The following COL4A1 variants were observed in gnomAD, a reference collection of about 807,000 sequenced individuals.
COL4A1 encodes the protein collagen alpha-1(IV) chain.
A neutral mutation model predicts 216.6 loss-of-function variants in COL4A1; 40 were observed. The ratio of observed to expected loss-of-function variants is 0.18; its 90% CI spans 0.14 to 0.24. The LOEUF is 0.24. Among genes scored for constraint, COL4A1 ranks in the 10% least tolerant of loss-of-function variants. COL4A1 has a pLI of 1.00. For missense variants in COL4A1, 1,628 were observed against 2,196.8 expected (o/e 0.74, Z 5.18); for synonymous variants, 839 against 810.7 (o/e 1.03, Z -0.59).
In COL4A1 at chr13:110,211,038, G is replaced by C. The variant is rs1291638712; in HGVS notation, c.468+609C>G. 6.6e-6 allele frequency among the ~76,000 whole-genome samples: 1 copy of C among 152,110 alleles called. No homozygotes were observed. Among genetic ancestry groups the C allele is most frequent in the South Asian group, 2.1e-4 (1 of 4,818 alleles). On this transcript the variant is annotated intron_variant, in intron 8 of 51. Coordinates refer to ENST00000375820, the MANE Select transcript of COL4A1 (RefSeq NM_001845.6). The surrounding 1 kb of genome is among the most constrained non-coding windows in gnomAD (Gnocchi z 4.3). Reference sequence around the variant, plus strand: ...TGTCTCTGGAGCATGCTAACACACAGGGCTATTATGAGGATCTATTTCCTA... The same window carrying C: ...TGTCTCTGGAGCATGCTAACACACACGGCTATTATGAGGATCTATTTCCTA...
At chr13:110,209,284 T>C in intron 11 of COL4A1, 108 bp downstream of exon 11, 1 of 995,000 alleles carries the variant, frequency 1.0e-6, no homozygotes, top group Non-Finnish European at 1.5e-6. Flanking sequence ...ATAGTGTTAA[T>C]TTTCCAACTT....
chr13:110,269,057 A>G (rs1180068071), intron 1 of COL4A1, among the ~76,000 whole-genome samples: 1 of 152,216 alleles, frequency 6.6e-6, no homozygotes, highest in African/African-American at 2.4e-5. Context: ...AGCCACTTGG[A>G]AAAGTGCCAG....
Position 110,203,721 on chromosome 13 carries a change from C to T in COL4A1, c.958-114G>A, listed in dbSNP as rs187821166. 13 of 1,118,980 alleles carry T rather than the reference C, an allele frequency of 1.2e-5. No individual in the cohort carries two copies. In the East Asian group the frequency reaches 2.8e-4, roughly 24 times the overall value. The allele number at this position is 1,118,980 out of a possible 1,614,324, so 69.3% of individuals were successfully genotyped here. A position where few individuals can be genotyped will look rare whatever the true frequency, so the allele number is the denominator to read the frequency against. ...AGAGTGTGCCTACAGTAAATTAAAA[C>T]TATTTTTCTCTCTTTAATATCTCTC... On this transcript the variant is annotated intron_variant, in intron 17 of 51. Coordinates refer to ENST00000375820, the MANE Select transcript of COL4A1 (RefSeq NM_001845.6).
intron 1 of COL4A1, among the ~76,000 whole-genome samples, chr13:110,286,231 T>A (rs1241339489): frequency 6.6e-6 from 1 of 152,218 alleles, no homozygotes; most frequent in East Asian, 1.9e-4. Context: ...CCAGTGGGAC[T>A]CAGCCACTTG....
chr13:110,240,262 G>A (rs774413662), intron 2 of COL4A1, among the ~76,000 whole-genome samples: 4 of 152,178 alleles, frequency 2.6e-5, no homozygotes, highest in Non-Finnish European at 4.4e-5. Flanking sequence ...TGGAGAAACA[G>A]GAGTGTAGAG....
At chr13:110,270,347 A>G (rs6492252) in intron 1 of COL4A1, among the ~76,000 whole-genome samples, 82,038 of 152,088 alleles carry the variant, frequency 0.54, 22,870 homozygotes, top group Admixed American at 0.66. Context: ...CTAAATCTAC[A>G]TCTAATTAAG....
rs778511113 is a variant in COL4A1 at position 110,152,510 on chromosome 13, C to CAGAACAGATGCGAGCCGT, written c.4756-22_4756-5dup. ...CTTCTGCACCAGCGCTGGTGTGCTG[C>CAGAACAGATGCGAGCCGT]AGAACAGATGCGAGCCGTGAGTCAG... On this transcript the variant is annotated splice_region_variant and splice_polypyrimidine_tract_variant and intron_variant, in intron 50 of 51. Coordinates refer to ENST00000375820, the MANE Select transcript of COL4A1 (RefSeq NM_001845.6). 202 of 1,609,520 alleles carry CAGAACAGATGCGAGCCGT rather than the reference C, an allele frequency of 1.3e-4. No homozygotes were observed. Among genetic ancestry groups the CAGAACAGATGCGAGCCGT allele is most frequent in the Non-Finnish European group, 1.5e-4 (176 of 1,179,420 alleles).
intron 2 of COL4A1, among the ~76,000 whole-genome samples, chr13:110,216,094 C>T (rs1326363625): frequency 6.6e-6 from 1 of 152,198 alleles, no homozygotes; most frequent in East Asian, 1.9e-4. Flanking sequence ...TGGCACTGCC[C>T]CTTCAGGCCA....
At chr13:110,299,237 G>A (rs945854084) in intron 1 of COL4A1, among the ~76,000 whole-genome samples, 6 of 152,182 alleles carry the variant, frequency 3.9e-5, no homozygotes, top group African/African-American at 1.4e-4. Flanking sequence ...GAAAGAAGTC[G>A]GGCTGTCAGT....
chr13:110,214,919 C>T (rs1422527503), intron 2 of COL4A1, among the ~76,000 whole-genome samples: 1 of 152,252 alleles, frequency 6.6e-6, no homozygotes, highest in Non-Finnish European at 1.5e-5. Flanking sequence ...TTTTGCTCTA[C>T]TGTGTTTTAA....
chr13:110,257,005 C>T (rs968957914), intron 1 of COL4A1, among the ~76,000 whole-genome samples: 3 of 152,098 alleles, frequency 2.0e-5, no homozygotes, highest in African/African-American at 7.2e-5. Flanking sequence ...CAGAATGAAA[C>T]TAAAGTGTAG....
In COL4A1 at chr13:110,307,148, GC is replaced by G; in HGVS notation, c.-122del. The G allele has an allele frequency of 2.6e-6, 2 of 767,364 alleles. No individual in the cohort carries two copies. Among genetic ancestry groups the G allele is most frequent in the Non-Finnish European group, 3.7e-6 (2 of 535,260 alleles). The allele number at this position is 767,364 out of a possible 1,614,324, so 47.5% of individuals were successfully genotyped here. The stretch of plus-strand genomic sequence containing the variant: ...ACCGTCCCGGGTGCGGCGGCTCCAA[GC>G]GGAGACCTGAGCGCGGCGGGCCGAG... On this transcript the variant is annotated 5_prime_UTR_variant, in exon 1 of 52. Transcript: ENST00000375820. This position sits in a 1 kb window ranked among gnomAD's most constrained non-coding sequence, Gnocchi z 5.0.
In COL4A1 at chr13:110,175,243, C is replaced by T; in HGVS notation, c.3173G>A (p.Gly1058Asp). 3 of 1,614,206 alleles carry T rather than the reference C, an allele frequency of 1.9e-6. No homozygotes were observed. The highest frequency in any genetic ancestry group is 1.3e-5 in the African/African-American group (1 of 75,056). The change falls in exon 37 of 52, where the codon GGC (glycine) becomes GAC (aspartate). Residue 1058 changes from glycine to aspartate, a missense_variant. Gly to Asp is a moderately conservative substitution (Grantham distance 94, BLOSUM62 -1). Around this residue, in one of 8 missense-constraint regions of COL4A1, gnomAD observed 345 missense variants for 476.9 expected, o/e 0.72. Transcript: ENST00000375820. ...EKGQAGPPGI[G>D]IPGLRGEKGD... ...CTTTTCACCTCGCAGCCCTGGGATGCCTATGCCAGGTGGGCCTGCCTGCCC... is the reference window on the plus strand; with the variant it reads ...CTTTTCACCTCGCAGCCCTGGGATGTCTATGCCAGGTGGGCCTGCCTGCCC...
chr13:110,197,584 A>T (rs78057487), intron 21 of COL4A1, among the ~76,000 whole-genome samples: 5,870 of 152,174 alleles, frequency 0.039, 313 homozygotes, highest in African/African-American at 0.12. Context: ...GTCACACATG[A>T]TCTGTTCTTT....
At chr13:110,281,175 T>G (rs1248645968) in intron 1 of COL4A1, among the ~76,000 whole-genome samples, 1 of 152,166 alleles carries the variant, frequency 6.6e-6, no homozygotes, top group Non-Finnish European at 1.5e-5. Context: ...CTCTCCCGTT[T>G]TCTTCTCTTG....
intron 1 of COL4A1, chr13:110,305,801 T>C (rs1884674662): frequency 6.6e-6 from 1 of 152,262 alleles, no homozygotes; most frequent in Non-Finnish European, 1.5e-5. Context: ...CAGTTCTCTC[T>C]GGCATGTAAC....
chr13:110,231,775 C>A (rs1315616358), intron 2 of COL4A1, among the ~76,000 whole-genome samples: 1 of 151,918 alleles, frequency 6.6e-6, no homozygotes, highest in East Asian at 1.9e-4. Context: ...CTTTACCAAT[C>A]TTCTAGGGAA....
At chr13:110,195,176 A>C in intron 21 of COL4A1, 58 bp from the exon 22 acceptor site, 2 of 1,427,738 alleles carry the variant, frequency 1.4e-6, no homozygotes, top group Non-Finnish European at 2.0e-6. Flanking sequence ...CCCTCTCCTA[A>C]CTCAACCTCT....
At chr13:110,229,627 T>A (rs1880916753) in intron 2 of COL4A1, among the ~76,000 whole-genome samples, 1 of 152,164 alleles carries the variant, frequency 6.6e-6, no homozygotes, top group African/African-American at 2.4e-5. Context: ...GTGATGAGGC[T>A]CATGAACAGA....
Sources: allele counts gnomAD v4.1 joint callset (sites outside exome capture counted in the v4.1 genomes callset), GRCh38; gene constraint gnomAD v4.1.1; regional missense constraint gnomAD v4.1.1; non-coding constraint Gnocchi (gnomAD v3.1); transcripts MANE v1.5; gene names NCBI Gene and HGNC (gene_info 2026-07-23, HGNC 2026-07-21).